The following FAM13B variants were observed in gnomAD, a reference collection of about 807,000 sequenced individuals.
FAM13B encodes protein FAM13B.
A neutral mutation model predicts 117.3 loss-of-function variants in FAM13B; 60 were observed. The ratio of observed to expected loss-of-function variants is 0.51; its 90% CI spans 0.42 to 0.63. The LOEUF (loss-of-function observed/expected upper bound fraction) is 0.63. Ranked by LOEUF, FAM13B falls within the 30% of genes least tolerant of loss-of-function variation. The pLI is 0.00. For synonymous variants in FAM13B, 332 were observed against 356.1 expected (o/e 0.93, Z 0.76); for missense variants, 972 against 1,091.9 (o/e 0.89, Z 1.55).
chr5:138,036,370 G>A (rs760337126), upstream of FAM13B: 6 of 456,434 alleles, frequency 1.3e-5, no homozygotes, highest in Middle Eastern at 3.2e-4. Context: ...CCTCTTGCCC[G>A]AACAAACTTG....
At chr5:137,985,921 A>G (rs1777086284) in intron 9 of FAM13B, among the ~76,000 whole-genome samples, 1 of 152,228 alleles carries the variant, frequency 6.6e-6, no homozygotes, top group Non-Finnish European at 1.5e-5. Context: ...AGCAATGGGT[A>G]TAGGTTTACA....
At chr5:137,978,411 G>T (rs1774656329) in intron 10 of FAM13B, among the ~76,000 whole-genome samples, 1 of 151,418 alleles carries the variant, frequency 6.6e-6, no homozygotes, top group African/African-American at 2.4e-5. Flanking sequence ...TCCGATGTCT[G>T]TATAAGACCA....
rs188843407 is a variant in FAM13B, at chr5:138,041,008, G to A, written c.-203+10870C>T. ...GAACCTGGGAGGCAGAGGTTGCAGT[G>A]AGCTGAGATTGCGCCACTGCACTCC... On this transcript the variant is annotated intron_variant, in intron 1 of 3. Transcript: ENST00000502471. Among the ~76,000 whole-genome samples the A allele has an allele frequency of 1.3e-3, 187 of 148,198 alleles. 3 individuals are homozygous for A. Among genetic ancestry groups the A allele is most frequent in the Middle Eastern group, 0.011 (3 of 282 alleles).
intron 10 of FAM13B, among the ~76,000 whole-genome samples, chr5:137,970,195 A>AC (rs1771633027): frequency 6.6e-6 from 1 of 151,842 alleles, no homozygotes; most frequent in African/African-American, 2.4e-5. Context: ...AAAAAATGTT[A>AC]AGGGCAGCCA....
At chr5:138,030,578 A>G (rs889305399) in intron 1 of FAM13B, among the ~76,000 whole-genome samples, 1 of 151,580 alleles carries the variant, frequency 6.6e-6, no homozygotes, top group Non-Finnish European at 1.5e-5. Flanking sequence ...GTGTTTGTTT[A>G]ATGTCTGTTT....
intron 20 of FAM13B, among the ~76,000 whole-genome samples, 199 bp downstream of exon 20, chr5:137,945,703 T>C (rs926813227): frequency 1.3e-5 from 2 of 152,202 alleles, no homozygotes; most frequent in African/African-American, 4.8e-5. Flanking sequence ...TAAGCATACA[T>C]AAAAATGCTT....
chr5:137,997,998 A>G (rs1319160159), intron 7 of FAM13B, among the ~76,000 whole-genome samples: 1 of 152,174 alleles, frequency 6.6e-6, no homozygotes, highest in Non-Finnish European at 1.5e-5. Context: ...CCCACCAACT[A>G]ACCTCTAACT....
Position 137,942,868 on chromosome 5 carries a change from T to A in FAM13B, c.2588+7A>T. 2 of 1,593,608 alleles carry A rather than the reference T, an allele frequency of 1.3e-6. No homozygotes were observed. Among genetic ancestry groups the A allele is most frequent in the Non-Finnish European group, 1.7e-6 (2 of 1,174,900 alleles). ...AATAGGCTAAAATCACAAATCAGCA[T>A]ACATACATAGAAGCTGCTCGAGAAC... is the stretch of plus-strand genomic sequence containing the variant. On this transcript the variant is annotated splice_region_variant and intron_variant, in intron 22 of 23. Transcript: ENST00000689681.
intron 1 of FAM13B, among the ~76,000 whole-genome samples, chr5:138,044,551 C>CAA (rs1791589184): frequency 1.7e-5 from 2 of 118,686 alleles, no homozygotes; most frequent in South Asian, 6.1e-4. Flanking sequence ...GACTCCATCT[C>CAA]GAAAAAAAAA....
At chr5:137,946,084 A>G in intron 19 of FAM13B, 87 bp from the exon 20 acceptor site, 1 of 1,328,656 alleles carries the variant, frequency 7.5e-7, no homozygotes, top group Non-Finnish European at 1.1e-6. Context: ...GCCCAATTTC[A>G]AATTTTATAT....
Position 138,027,164 on chromosome 5 carries a change from A to G in FAM13B, c.-203+5618T>C, listed in dbSNP as rs182109566. Among the ~76,000 whole-genome samples the G allele has an allele frequency of 3.9e-5, 6 of 152,230 alleles. No homozygotes were observed. The East Asian group carries it at 1.2e-3, about 29-fold the overall frequency. ...AAGAAAAAGTGCCACATTGAAGTAA[A>G]AAAGTTCTACCTTCAAATAGAATAG... On this transcript the variant is annotated intron_variant, in intron 1 of 23. Transcript: ENST00000689681.
intron 23 of FAM13B, among the ~76,000 whole-genome samples, chr5:137,941,738 A>G (rs1761909287): frequency 6.6e-6 from 1 of 152,230 alleles, no homozygotes. Context: ...ATCCGAAAAT[A>G]GTTAATCAGA....
At chr5:137,958,870 A>C (rs1029552170) in intron 13 of FAM13B, among the ~76,000 whole-genome samples, 2 of 152,104 alleles carry the variant, frequency 1.3e-5, no homozygotes, top group African/African-American at 4.8e-5. Context: ...TAACCATCTT[A>C]TTTTTTTCAT....
intron 1 of FAM13B, among the ~76,000 whole-genome samples, chr5:138,024,973 C>T (rs754352343): frequency 1.3e-5 from 2 of 151,768 alleles, no homozygotes; most frequent in Non-Finnish European, 2.9e-5. Context: ...TGGGCTCAAG[C>T]GATTCTCGTG....
rs762108592 is a variant in FAM13B, at chr5:137,938,582, A to G, written c.*1643T>C. The G allele has an allele frequency of 2.0e-5, 3 of 152,552 alleles. No homozygotes were observed. Among genetic ancestry groups the G allele is most frequent in the Non-Finnish European group, 2.9e-5 (2 of 68,024 alleles). 9.4% of individuals were successfully genotyped at this position (152,552 alleles called of 1,614,324 possible). A position where few individuals can be genotyped will look rare whatever the true frequency, so the allele number is the denominator to read the frequency against. On this transcript the variant is annotated 3_prime_UTR_variant, in exon 24 of 24. Transcript: ENST00000689681. ...GTTGTATCAAAAGGAAACCACACAAAAAGGGCAGGATTTAGTGCTTTTCTT... is the reference window on the plus strand; with the variant it reads ...GTTGTATCAAAAGGAAACCACACAAGAAGGGCAGGATTTAGTGCTTTTCTT...
upstream of FAM13B, among the ~76,000 whole-genome samples, chr5:138,035,419 A>T (rs1017373901): frequency 1.3e-5 from 2 of 152,184 alleles, no homozygotes; most frequent in African/African-American, 4.8e-5. Context: ...TTCTTGGAAG[A>T]TATATTCTCT....
Position 138,041,552 on chromosome 5 carries a change from G to A in FAM13B, c.-203+10326C>T, listed in dbSNP as rs1581330199. Among the ~76,000 whole-genome samples the A allele has an allele frequency of 2.6e-5, 4 of 152,316 alleles. No homozygotes were observed. The East Asian group carries it at 7.7e-4, about 29-fold the overall frequency. ...TTAATTTTAAAAATGGATAAAAAATGTTTAAGGAGGACAAATAGTAAAACA... is the reference window on the plus strand; with the variant it reads ...TTAATTTTAAAAATGGATAAAAAATATTTAAGGAGGACAAATAGTAAAACA... On this transcript the variant is annotated intron_variant, in intron 1 of 3. Transcript: ENST00000502471.
At chr5:138,000,223 C>T (rs1009299514) in intron 7 of FAM13B, among the ~76,000 whole-genome samples, 13 of 152,012 alleles carry the variant, frequency 8.6e-5, no homozygotes, top group Non-Finnish European at 1.6e-4. Flanking sequence ...CGTAACGAGA[C>T]CTTGTATTTA....
intron 13 of FAM13B, among the ~76,000 whole-genome samples, chr5:137,957,448 G>A (rs1016052557): frequency 1.3e-5 from 2 of 151,008 alleles, no homozygotes; most frequent in East Asian, 2.0e-4. Flanking sequence ...GCTGAGGCAG[G>A]AGAATTGCTT....
Sources: gnomAD v4.1 joint callset for allele counts (sites outside exome capture counted in the v4.1 genomes callset) on GRCh38, gnomAD v4.1.1 for gene constraint, MANE v1.5 for transcripts, NCBI Gene and HGNC (gene_info 2026-07-23, HGNC 2026-07-21) for gene names.